The following DLGAP2 variants were observed in gnomAD, a reference collection of about 807,000 sequenced individuals.
DLGAP2 encodes DLG associated protein 2.
Under a neutral mutation model 100.3 loss-of-function variants are expected in DLGAP2, and 26 were observed. The observed-to-expected ratio is 0.26, with a 90% CI of 0.19 to 0.36. The LOEUF (loss-of-function observed/expected upper bound fraction) is 0.36, where lower values mean the gene tolerates loss of function less well. Among genes scored for constraint, DLGAP2 ranks in the 10% least tolerant of loss-of-function variants. The probability of loss-of-function intolerance (pLI) is 1.00; values close to 1 mark genes in which losing one functional copy is unlikely to be tolerated. For missense variants in DLGAP2, 1,858 were observed against 1,453.2 expected, an observed-to-expected ratio of 1.28 and a Z score of -4.53; for synonymous variants, 886 against 630.1, an observed-to-expected ratio of 1.41 and a Z score of -6.08.
At chr8:1,580,452 A>G (rs1216785642) in intron 6 of DLGAP2, among the ~76,000 whole-genome samples, 2 of 152,228 alleles carry the variant, frequency 1.3e-5, no homozygotes, top group African/African-American at 2.4e-5. Flanking sequence ...GTGGGAATCG[A>G]AAGGCAGAAA....
rs1804429786 is a variant in DLGAP2, at chr8:1,097,701, G to C, written c.74-161150G>C. On this transcript the variant is annotated intron_variant, in intron 2 of 14. Coordinates refer to ENST00000637795, the MANE Select transcript of DLGAP2 (RefSeq NM_001346810.2). Reference sequence around the variant, plus strand: ...CTGTGGCATGGAGAGGTCTCCTCCAGTGTGAGACCCAGCTCCCTCTGCTCA... The same window carrying C: ...CTGTGGCATGGAGAGGTCTCCTCCACTGTGAGACCCAGCTCCCTCTGCTCA... Among the ~76,000 whole-genome samples the C allele has an allele frequency of 3.0e-5, 4 of 134,728 alleles. No individual in the cohort carries two copies. The South Asian group carries it at 9.5e-4, about 32-fold the overall frequency. 88.4% of individuals were successfully genotyped at this position (134,728 alleles called of 152,430 possible).
intron 2 of DLGAP2, among the ~76,000 whole-genome samples, chr8:1,190,406 TGCTGTTGGGGC>T (rs1563242242): frequency 2.7e-5 from 1 of 37,452 alleles, no homozygotes; most frequent in East Asian, 4.5e-4. Flanking sequence ...TCGGGGCATC[TGCTGTTGGGGC>T]ATCTGCTGTT....
intron 2 of DLGAP2, among the ~76,000 whole-genome samples, chr8:1,174,365 A>T (rs191959568): frequency 1.3e-5 from 2 of 151,882 alleles, no homozygotes; most frequent in Admixed American, 6.6e-5. Context: ...CATCACCAAA[A>T]TCATTATCAT....
chr8:1,189,816 C>A (rs1253969879), intron 2 of DLGAP2, among the ~76,000 whole-genome samples: 1 of 152,086 alleles, frequency 6.6e-6, no homozygotes, highest in Admixed American at 6.5e-5. Flanking sequence ...CAGGAGGGGT[C>A]CCCCTGAGGG....
intron 3 of DLGAP2, among the ~76,000 whole-genome samples, chr8:1,347,137 A>G (rs936724415): frequency 6.6e-6 from 1 of 151,968 alleles, no homozygotes; most frequent in Admixed American, 6.5e-5. Context: ...CATTGCTCTC[A>G]TGGCGGCTGT....
intron 3 of DLGAP2, among the ~76,000 whole-genome samples, chr8:1,337,896 C>T (rs1801325003): frequency 6.6e-6 from 1 of 152,208 alleles, no homozygotes; most frequent in Admixed American, 6.5e-5. Context: ...ATAAACAGTT[C>T]TCCAAAGAAG....
intron 2 of DLGAP2, among the ~76,000 whole-genome samples, chr8:1,033,195 C>A (rs571441810): frequency 6.6e-6 from 1 of 152,200 alleles, no homozygotes; most frequent in South Asian, 2.1e-4. Context: ...TCATGGCCAT[C>A]AGCTCAGGCC....
chr8:905,948 C>T (rs1024424758), intron 1 of DLGAP2, among the ~76,000 whole-genome samples: 1 of 152,222 alleles, frequency 6.6e-6, no homozygotes, highest in African/African-American at 2.4e-5. Context: ...GAGTCCCATG[C>T]TCTGATTTGA....
In DLGAP2 at chr8:1,676,336, T is replaced by A. The variant is rs1476938746; in HGVS notation, c.2203-197T>A. On this transcript the variant is annotated intron_variant, in intron 10 of 14. Coordinates refer to ENST00000637795, the MANE Select transcript of DLGAP2 (RefSeq NM_001346810.2). ...TGAGTTCAGGTAGTTATGTAAAATGTGATGAGACGCAGGAGTGATGTAATT... is the reference window on the plus strand; with the variant it reads ...TGAGTTCAGGTAGTTATGTAAAATGAGATGAGACGCAGGAGTGATGTAATT... 6.6e-5 allele frequency among the ~76,000 whole-genome samples: 10 copies of A among 152,178 alleles called. No homozygotes were observed. The East Asian group carries it at 1.7e-3, about 26-fold the overall frequency.
chr8:1,343,249 G>C (rs578136152), intron 3 of DLGAP2, among the ~76,000 whole-genome samples: 7 of 152,160 alleles, frequency 4.6e-5, no homozygotes, highest in African/African-American at 1.7e-4. Flanking sequence ...TGAGAGGTGC[G>C]CAGGGCAGGG....
At chr8:1,691,167 A>T (rs1169062960) in intron 12 of DLGAP2, among the ~76,000 whole-genome samples, 3 of 152,244 alleles carry the variant, frequency 2.0e-5, no homozygotes, top group Non-Finnish European at 4.4e-5. Context: ...AAATAGGAAG[A>T]ACTCGATGTT....
At position 1,407,726 on chromosome 8, in the gene DLGAP2, A is replaced by G. The variant is rs1584866932; in HGVS notation, c.107-93640A>G. On this transcript the variant is annotated intron_variant, in intron 3 of 14. Transcript: ENST00000637795. ...CTCCAGAGTCGTGTATTGAGTGCTTACTGAGCGCCAGCTCGTCATCCTCCA... is the reference window on the plus strand; with the variant it reads ...CTCCAGAGTCGTGTATTGAGTGCTTGCTGAGCGCCAGCTCGTCATCCTCCA... Among the ~76,000 whole-genome samples, 2 of 127,108 alleles carry G rather than the reference A, an allele frequency of 1.6e-5. 1 individual carries two copies. Among genetic ancestry groups the G allele is most frequent in the Non-Finnish European group, 3.4e-5 (2 of 59,346 alleles). The allele number at this position is 127,108 out of a possible 152,430, so 83.4% of individuals were successfully genotyped here.
intron 1 of DLGAP2, among the ~76,000 whole-genome samples, chr8:793,710 A>G (rs949035075): frequency 3.9e-5 from 6 of 152,222 alleles, no homozygotes; most frequent in African/African-American, 1.4e-4. Context: ...CGGAGTCCAC[A>G]GCTCACAGAC....
At chr8:1,151,683 C>T (rs1476078897) in intron 2 of DLGAP2, among the ~76,000 whole-genome samples, 1 of 152,194 alleles carries the variant, frequency 6.6e-6, no homozygotes, top group Non-Finnish European at 1.5e-5. Context: ...CTCTTGCCTT[C>T]AGCTCAAAGC....
intron 2 of DLGAP2, among the ~76,000 whole-genome samples, chr8:1,154,825 G>T (rs142661908): frequency 6.6e-6 from 1 of 152,160 alleles, no homozygotes; most frequent in African/African-American, 2.4e-5. Flanking sequence ...ACAAAGGCCC[G>T]GGGTGCCTTG....
At chr8:1,678,837 TTG>T in intron 12 of DLGAP2, 1 of 522,724 alleles carries the variant, frequency 1.9e-6, no homozygotes, top group Non-Finnish European at 3.1e-6. Flanking sequence ...CGAAGGAAAA[TTG>T]TGTGTGTTTT....
chr8:944,657 G>C (rs566032228), intron 2 of DLGAP2, among the ~76,000 whole-genome samples: 2 of 152,102 alleles, frequency 1.3e-5, no homozygotes, highest in African/African-American at 4.8e-5. Context: ...GGGTGATCCA[G>C]TGGGTGGTAA....
intron 6 of DLGAP2, chr8:1,622,452 C>T (rs190847756): frequency 5.9e-5 from 9 of 152,218 alleles, no homozygotes; most frequent in Admixed American, 5.9e-4. Context: ...TCAGGGGTAC[C>T]CTTTGTTATG....
At position 865,782 on chromosome 8, in the gene DLGAP2, G is replaced by T. The variant is rs564829586; in HGVS notation, c.19-42130G>T. Among the ~76,000 whole-genome samples the T allele has an allele frequency of 7.2e-4, 109 of 152,270 alleles. 1 individual carries two copies. The highest frequency in any genetic ancestry group is 1.4e-3 in the Non-Finnish European group (93 of 68,024). On this transcript the variant is annotated intron_variant, in intron 1 of 14. Transcript: ENST00000637795. Reference sequence around the variant, plus strand: ...TCTCTCCTGGCAGGGATGGACCTTCGTGTACATTCCAGCTCATTGGATGGG... The same window carrying T: ...TCTCTCCTGGCAGGGATGGACCTTCTTGTACATTCCAGCTCATTGGATGGG...
Sources: allele counts gnomAD v4.1 joint callset (sites outside exome capture counted in the v4.1 genomes callset), GRCh38; gene constraint gnomAD v4.1.1; transcripts MANE v1.5; gene names NCBI Gene and HGNC (gene_info 2026-07-23, HGNC 2026-07-21).